Variants in KIF24 observed in about 807,000 individuals in gnomAD.
KIF24 encodes the protein kinesin-like protein KIF24.
In KIF24, 81 loss-of-function variants were observed where a neutral mutation model predicts 118.9. The observed-to-expected ratio is 0.68, with a 90% CI of 0.57 to 0.82. The LOEUF is 0.82. Ranked by LOEUF, KIF24 falls within the 40% of genes least tolerant of loss-of-function variation. KIF24 has a pLI of 0.00. For synonymous variants in KIF24, 599 were observed against 610.0 expected (o/e 0.98, Z 0.27); for missense variants, 1,560 against 1,661.6 (o/e 0.94, Z 1.06).
At chr9:34,300,490 T>A (rs1157423061) in intron 3 of KIF24, among the ~76,000 whole-genome samples, 1 of 151,916 alleles carries the variant, frequency 6.6e-6, no homozygotes, top group Non-Finnish European at 1.5e-5. Flanking sequence ...TGCCTCAGCC[T>A]CCCAAGTAGC....
intron 1 of KIF24, among the ~76,000 whole-genome samples, 69 bp downstream of exon 1, chr9:34,329,037 T>A (rs1283064772): frequency 6.6e-6 from 1 of 152,250 alleles, no homozygotes; most frequent in African/African-American, 2.4e-5. Flanking sequence ...CGCGCACCCG[T>A]GTCCGCGGGC....
At chr9:34,308,940 G>A (rs1025104335) in intron 2 of KIF24, among the ~76,000 whole-genome samples, 2 of 152,068 alleles carry the variant, frequency 1.3e-5, no homozygotes, top group Non-Finnish European at 2.9e-5. Context: ...AATTAGCTGG[G>A]GACAGTGGTG....
intron 12 of KIF24, 33 bp from the exon 13 acceptor site, chr9:34,254,553 TG>T: frequency 3.1e-6 from 5 of 1,604,244 alleles, no homozygotes; most frequent in Non-Finnish European, 4.3e-6. Context: ...ATACAGCTTT[TG>T]CTCTTGCTGG....
At chr9:34,298,016 T>G (rs1433616980) in intron 3 of KIF24, among the ~76,000 whole-genome samples, 1 of 152,068 alleles carries the variant, frequency 6.6e-6, no homozygotes, top group Non-Finnish European at 1.5e-5. Flanking sequence ...CGTGTCGATT[T>G]CAAAGGAAAA....
At chr9:34,290,526 G>A in intron 4 of KIF24, 137 bp from the exon 5 acceptor site, 1 of 547,356 alleles carries the variant, frequency 1.8e-6, no homozygotes, top group Non-Finnish European at 3.2e-6. Flanking sequence ...AACCTTTAAG[G>A]AGAAGAGGAC....
intron 1 of KIF24, among the ~76,000 whole-genome samples, chr9:34,328,833 A>G (rs1254552502): frequency 1.1e-4 from 16 of 152,246 alleles, no homozygotes; most frequent in Admixed American, 1.0e-3. Flanking sequence ...TCGGTTCAAA[A>G]GCAAGAAGGC....
rs1837332849 is a variant in KIF24 at position 34,316,456 on chromosome 9, C to A, written c.-25-5085G>T. Among the ~76,000 whole-genome samples the A allele has an allele frequency of 2.0e-5, 3 of 152,254 alleles. No homozygotes were observed. In the South Asian group the frequency reaches 6.2e-4, roughly 32 times the overall value. On this transcript the variant is annotated intron_variant, in intron 1 of 12. Coordinates refer to ENST00000402558, the MANE Select transcript of KIF24 (RefSeq NM_194313.4). ...GCCATTTTCTCTGAGTTTCCTAATTCTTTACGAGTCCCATCACCCAAAGTA... is the reference window on the plus strand; with the variant it reads ...GCCATTTTCTCTGAGTTTCCTAATTATTTACGAGTCCCATCACCCAAAGTA...
intron 1 of KIF24, among the ~76,000 whole-genome samples, chr9:34,325,701 TAAATAAATAAATA>T (rs567878850): frequency 2.5e-4 from 38 of 151,938 alleles, no homozygotes; most frequent in Non-Finnish European, 5.0e-4. Context: ...GAAAAAAATA[TAAATAAATAAATA>T]AAAGAGTGAT....
chr9:34,257,198 C>G lies in KIF24; in HGVS notation c.2409G>C (p.Glu803Asp), dbSNP rs1834883566. ...YRPPEGQLTNETPPLFHSYSE... is the reference protein window; with the variant it reads ...YRPPEGQLTNDTPPLFHSYSE... ...AGTAAGAGTGGAACAGAGGCGGAGT[C>G]TCATTCGTGAGCTGACCCTCTGGGG... The change falls in exon 11 of 13, where the codon GAG becomes GAC. Residue 803 changes from glutamate (E) to aspartate (D), a missense_variant. By Grantham distance (45) the Glu-to-Asp change is conservative. Around this residue, in one of 3 missense-constraint regions of KIF24, gnomAD observed 964 missense variants for 988.0 expected, o/e 0.98. Coordinates refer to ENST00000402558, the MANE Select transcript of KIF24 (RefSeq NM_194313.4). The G allele has an allele frequency of 1.2e-6, 2 of 1,613,952 alleles. No individual in the cohort carries two copies. The highest frequency in any genetic ancestry group is 1.7e-5 in the Admixed American group (1 of 60,012).
intron 6 of KIF24, among the ~76,000 whole-genome samples, chr9:34,279,095 C>T (rs1161283376): frequency 6.6e-6 from 1 of 152,118 alleles, no homozygotes; most frequent in Non-Finnish European, 1.5e-5. Context: ...CAGAGTGAGA[C>T]TCTACCTCAA....
Position 34,257,021 on chromosome 9 carries a change from T to C in KIF24, c.2586A>G (p.Gly862=), listed in dbSNP as rs1834874889. 1.2e-6 allele frequency: 2 copies of C among 1,614,008 alleles called. No homozygotes were observed. Among genetic ancestry groups the C allele is most frequent in the East Asian group, 4.5e-5 (2 of 44,888 alleles). ...EDSFFLHQTW[G]QGPEKQVAER... is the part of the protein sequence containing the mutation. ...CTGCCACCTGCTTCTCAGGACCCTGTCCCCACGTCTGGTGCAGGAAGAATG... is the reference window on the plus strand; with the variant it reads ...CTGCCACCTGCTTCTCAGGACCCTGCCCCCACGTCTGGTGCAGGAAGAATG... Residue 862 remains glycine, a synonymous_variant, in exon 11 of 13, where the codon GGA becomes GGG. Coordinates refer to ENST00000402558, the MANE Select transcript of KIF24 (RefSeq NM_194313.4).
Position 34,254,086 on chromosome 9 carries a change from A to C in KIF24, c.*294T>G. ...TTATTAGACCCAAATATATTCCCAC[A>C]GGCAAGGGGTTAGTTAATCATATTC... On this transcript the variant is annotated 3_prime_UTR_variant, in exon 13 of 13. Coordinates refer to ENST00000402558, the MANE Select transcript of KIF24 (RefSeq NM_194313.4). The C allele has an allele frequency of 3.6e-6, 1 of 277,966 alleles. No individual in the cohort carries two copies. The highest frequency in any genetic ancestry group is 6.7e-6 in the Non-Finnish European group (1 of 150,366). 17.2% of individuals were successfully genotyped at this position (277,966 alleles called of 1,614,324 possible).
rs563174674 is a variant in KIF24, at chr9:34,261,362, G to A, written c.1516-1657C>T. ...GTACACCCTCCCATGCCACTCTTCC[G>A]CAGCCATTATGAATGCTGATTTAAC... On this transcript the variant is annotated intron_variant, in intron 9 of 12. Coordinates refer to ENST00000402558, the MANE Select transcript of KIF24 (RefSeq NM_194313.4). Among the ~76,000 whole-genome samples the A allele has an allele frequency of 3.8e-3, 571 of 152,226 alleles. 1 individual carries two copies. The highest frequency in any genetic ancestry group is 0.013 in the African/African-American group (540 of 41,522).
chr9:34,254,645 A>G (rs1834749155), intron 12 of KIF24, 125 bp from the exon 13 acceptor site: 1 of 959,460 alleles, frequency 1.0e-6, no homozygotes, highest in Non-Finnish European at 1.6e-6. Context: ...GCGGGAGAAC[A>G]TGTAGGATAG....
chr9:34,281,111 T>C (rs888196654), intron 6 of KIF24, among the ~76,000 whole-genome samples: 1 of 152,196 alleles, frequency 6.6e-6, no homozygotes, highest in Non-Finnish European at 1.5e-5. Context: ...CTGCAACCTC[T>C]GCCTTCCGGG....
rs1836917228 is a variant in KIF24, at chr9:34,306,357, C to T, written c.708G>A (p.Arg236=). The change falls in exon 3 of 13, where the codon AGG becomes AGA. Residue 236 remains arginine, a synonymous_variant. Transcript: ENST00000402558. Reference sequence around the variant, plus strand: ...TATTAATTTCTCCACGACGTACCTCCCTCATGCCCAGGGGGCGTTTTCGAA... The same window carrying T: ...TATTAATTTCTCCACGACGTACCTCTCTCATGCCCAGGGGGCGTTTTCGAA... ...VCVRKRPLGM[R]EVRRGEINII... is the part of the protein sequence containing the mutation. 2 of 1,611,342 alleles carry T rather than the reference C, an allele frequency of 1.2e-6. No homozygotes were observed. The highest frequency in any genetic ancestry group is 1.3e-5 in the African/African-American group (1 of 74,892).
chr9:34,292,574 CAG>C lies in KIF24; in HGVS notation c.912-2187_912-2186del, dbSNP rs1435822790. On this transcript the variant is annotated intron_variant, in intron 4 of 12. Coordinates refer to ENST00000402558, the MANE Select transcript of KIF24 (RefSeq NM_194313.4). ...AGGGATGGGGGAGGCTGGAGGTGGGCAGAGAGATGAGTACACAGAAAAGGATT... is the reference window on the plus strand; with the variant it reads ...AGGGATGGGGGAGGCTGGAGGTGGGCAGAGATGAGTACACAGAAAAGGATT... 2.0e-5 allele frequency among the ~76,000 whole-genome samples: 3 copies of C among 151,966 alleles called. 1 individual carries two copies. Among genetic ancestry groups the C allele is most frequent in the Non-Finnish European group, 4.4e-5 (3 of 67,996 alleles).
In KIF24 at chr9:34,256,501, C is replaced by G. The variant is rs1563932079; in HGVS notation, c.3106G>C (p.Gly1036Arg). 1 of 1,613,608 alleles carries G rather than the reference C, an allele frequency of 6.2e-7. No individual in the cohort carries two copies. The highest frequency in any genetic ancestry group is 2.2e-5 in the East Asian group (1 of 44,862). The part of the protein sequence containing the change: ...GHAVPGEDPR[G>R]QLGTHAEYAS... The stretch of plus-strand genomic sequence containing the variant: ...TATTCAGCATGCGTGCCTAACTGCC[C>G]CCTAGGATCCTCTCCTGGGACAGCA... The change falls in exon 11 of 13, where the codon GGG becomes CGG. Residue 1036 changes from glycine to arginine, a missense_variant. This residue lies in a region of KIF24 where 591 missense variants were observed against 655.6 expected (regional missense o/e 0.90). Coordinates refer to ENST00000402558, the MANE Select transcript of KIF24 (RefSeq NM_194313.4).
intron 7 of KIF24, 21 bp from the exon 8 acceptor site, chr9:34,269,383 G>A (rs1835415276): frequency 9.0e-7 from 1 of 1,105,654 alleles, no homozygotes; most frequent in Non-Finnish European, 1.3e-6. Context: ...GACACAGCAG[G>A]AGTGACTTCT....
Sources: gnomAD v4.1 joint callset for allele counts (sites outside exome capture counted in the v4.1 genomes callset) on GRCh38, gnomAD v4.1.1 for gene constraint, gnomAD v4.1.1 regional missense constraint, MANE v1.5 for transcripts, NCBI Gene and HGNC (gene_info 2026-07-23, HGNC 2026-07-21) for gene names.